Variants in CNTNAP2 observed in about 807,000 individuals in gnomAD.
CNTNAP2 encodes the protein contactin associated protein 2.
CNTNAP2 carries 98 observed loss-of-function variants against 155.2 expected under a neutral mutation model. The observed-to-expected ratio is 0.63, with a 90% CI of 0.54 to 0.75. CNTNAP2 has a LOEUF of 0.75. CNTNAP2 is among the 30% of genes least tolerant of loss of function. CNTNAP2 has a pLI of 0.00. For synonymous variants in CNTNAP2, 651 were observed against 631.2 expected (o/e 1.03, Z -0.47); for missense variants, 1,727 against 1,688.1 (o/e 1.02, Z -0.40).
intron 3 of CNTNAP2, among the ~76,000 whole-genome samples, chr7:146,974,297 G>T (rs1797863187): frequency 6.6e-6 from 1 of 151,530 alleles, no homozygotes; most frequent in Admixed American, 6.6e-5. Context: ...AATTAGCCAG[G>T]TGTGGTGGAG....
intron 21 of CNTNAP2, among the ~76,000 whole-genome samples, chr7:148,300,576 G>GAAAAAAAAAAAAAAAAGAAA (rs1797367477): frequency 7.9e-6 from 1 of 126,576 alleles, no homozygotes; most frequent in Admixed American, 7.8e-5. Context: ...GGCTAAGCAG[G>GAAAAAAAAAAAAAAAAGAAA]AAAAAAAAAA....
chr7:147,349,138 C>T (rs993516510), intron 9 of CNTNAP2, among the ~76,000 whole-genome samples: 14 of 151,840 alleles, frequency 9.2e-5, no homozygotes, highest in Admixed American at 3.9e-4. Context: ...GGATATTCAA[C>T]ATTTCGACAT....
In CNTNAP2 at chr7:147,352,334, A is replaced by G. The variant is rs1045197664; in HGVS notation, c.1499-43275A>G. ...AAACACTTTTGAGATATGGCAGAGG[A>G]TCTTGCTTCCCTCAGGACTAATAAT... On this transcript the variant is annotated intron_variant, in intron 9 of 23. Transcript: ENST00000361727. Among the ~76,000 whole-genome samples the G allele has an allele frequency of 2.0e-5, 3 of 152,064 alleles. No homozygotes were observed. The East Asian group carries it at 5.8e-4, about 29-fold the overall frequency.
intron 8 of CNTNAP2, among the ~76,000 whole-genome samples, chr7:147,176,644 TTATAA>T (rs1295539089): frequency 1.5e-5 from 2 of 134,212 alleles, no homozygotes; most frequent in Non-Finnish European, 3.1e-5. Flanking sequence ...AATATAATAT[TTATAA>T]TATAATAGAA....
chr7:147,983,664 G>T (rs559595306), intron 15 of CNTNAP2, among the ~76,000 whole-genome samples: 2 of 152,316 alleles, frequency 1.3e-5, no homozygotes, highest in South Asian at 2.1e-4. Flanking sequence ...CAATGTGAGA[G>T]TGTGGCTTAC....
At chr7:146,712,413 G>A (rs554797520) in intron 1 of CNTNAP2, among the ~76,000 whole-genome samples, 3 of 136,048 alleles carry the variant, frequency 2.2e-5, no homozygotes, top group African/African-American at 8.1e-5. Flanking sequence ...TAAAAAACAG[G>A]AAATTGCTTG....
intron 13 of CNTNAP2, among the ~76,000 whole-genome samples, chr7:147,712,372 T>C (rs764594956): frequency 7.2e-5 from 11 of 152,128 alleles, no homozygotes; most frequent in Non-Finnish European, 1.2e-4. Flanking sequence ...GAAATACCAT[T>C]TGACCCAGCC....
chr7:148,360,786 G>C (rs564579328), intron 21 of CNTNAP2, among the ~76,000 whole-genome samples: 1 of 151,736 alleles, frequency 6.6e-6, no homozygotes, highest in East Asian at 1.9e-4. Context: ...GAAGGTGTTA[G>C]AGTCGCTTTT....
intron 1 of CNTNAP2, among the ~76,000 whole-genome samples, chr7:146,560,794 C>G (rs763678784): frequency 5.3e-5 from 8 of 152,166 alleles, no homozygotes; most frequent in African/African-American, 1.9e-4. Flanking sequence ...CCAGCCGCAT[C>G]TAGTACTTCT....
intron 10 of CNTNAP2, among the ~76,000 whole-genome samples, chr7:147,421,626 T>C (rs1313742933): frequency 1.3e-5 from 2 of 149,866 alleles, no homozygotes; most frequent in African/African-American, 2.5e-5. Context: ...TGCTGAGATA[T>C]ATATACATAA....
chr7:147,005,292 C>T (rs902083341), intron 3 of CNTNAP2, among the ~76,000 whole-genome samples: 1 of 151,978 alleles, frequency 6.6e-6, no homozygotes, highest in Non-Finnish European at 1.5e-5. Flanking sequence ...TCTTTAATCT[C>T]ACAGATATTC....
chr7:147,760,227 A>C (rs964373912), intron 13 of CNTNAP2, among the ~76,000 whole-genome samples: 2 of 145,976 alleles, frequency 1.4e-5, no homozygotes, highest in African/African-American at 5.4e-5. Context: ...CTACTATGGT[A>C]AAATTTGAGC....
chr7:146,701,106 C>T (rs1285500754), intron 1 of CNTNAP2, among the ~76,000 whole-genome samples: 1 of 151,824 alleles, frequency 6.6e-6, no homozygotes, highest in Non-Finnish European at 1.5e-5. Context: ...ACCATTTTTT[C>T]CTTTAGTAGA....
chr7:146,831,669 C>CAAAAAAAAAAAAA (rs531970313), intron 2 of CNTNAP2, among the ~76,000 whole-genome samples: 1 of 16,806 alleles, frequency 6.0e-5, no homozygotes, highest in African/African-American at 1.7e-4. Flanking sequence ...AGCAAGACGC[C>CAAAAAAAAAAAAA]AAAAAAAAAA....
chr7:146,953,386 G>A (rs1323724751), intron 3 of CNTNAP2, among the ~76,000 whole-genome samples: 9 of 151,804 alleles, frequency 5.9e-5, no homozygotes, highest in Non-Finnish European at 1.3e-4. Context: ...CATGTTTAAC[G>A]AGATGATAAA....
chr7:147,462,777 GTTT>G (rs1798046747), intron 10 of CNTNAP2, among the ~76,000 whole-genome samples: 1 of 152,060 alleles, frequency 6.6e-6, no homozygotes, highest in Non-Finnish European at 1.5e-5. Context: ...TTTTTTGTTT[GTTT>G]GTTTGTTGGT....
chr7:147,458,568 T>C (rs1398984746), intron 10 of CNTNAP2, among the ~76,000 whole-genome samples: 3 of 152,168 alleles, frequency 2.0e-5, no homozygotes, highest in Non-Finnish European at 4.4e-5. Flanking sequence ...AGGGCTCCTC[T>C]AGTTATGAGC....
At chr7:147,002,402 T>A (rs1798441657) in intron 3 of CNTNAP2, among the ~76,000 whole-genome samples, 1 of 152,084 alleles carries the variant, frequency 6.6e-6, no homozygotes, top group African/African-American at 2.4e-5. Flanking sequence ...TACTGGAAGC[T>A]AGAAGATAAT....
chr7:146,657,921 A>T (rs901506611), intron 1 of CNTNAP2, among the ~76,000 whole-genome samples: 1 of 152,106 alleles, frequency 6.6e-6, no homozygotes, highest in Admixed American at 6.6e-5. Flanking sequence ...GTTCATCATT[A>T]AAAAAACCAA....
Sources: gnomAD v4.1 joint callset for allele counts (sites outside exome capture counted in the v4.1 genomes callset) on GRCh38, gnomAD v4.1.1 for gene constraint, MANE v1.5 for transcripts, NCBI Gene and HGNC (gene_info 2026-07-23, HGNC 2026-07-21) for gene names.